Variants in NOXRED1 observed in about 807,000 individuals in gnomAD.
NOXRED1 encodes the protein NADP-dependent oxidoreductase domain-containing protein 1.
Under a neutral mutation model 30.4 loss-of-function variants are expected in NOXRED1, and 20 were observed. The observed-to-expected ratio is 0.66, with a 90% CI of 0.46 to 0.96. The LOEUF (loss-of-function observed/expected upper bound fraction) is 0.96. Among genes scored for constraint, NOXRED1 ranks in the 40% least tolerant of loss-of-function variants. NOXRED1 has a pLI of 0.00. For missense variants in NOXRED1, 374 were observed against 428.0 expected, an observed-to-expected ratio of 0.87 and a Z score of 1.11; for synonymous variants, 155 against 168.0, an observed-to-expected ratio of 0.92 and a Z score of 0.60.
At chr14:77,404,773 C>G (rs147903835) in intron 5 of NOXRED1, among the ~76,000 whole-genome samples, 2 of 151,964 alleles carry the variant, frequency 1.3e-5, no homozygotes, top group East Asian at 1.9e-4. Flanking sequence ...AGAGAAGAGA[C>G]TGCTTCAAGA....
chr14:77,413,110 T>C (rs967942710), intron 2 of NOXRED1, among the ~76,000 whole-genome samples: 1 of 152,146 alleles, frequency 6.6e-6, no homozygotes, highest in Non-Finnish European at 1.5e-5. Flanking sequence ...ATTTAACCCA[T>C]ACCTCTCTCT....
At chr14:77,412,344 T>C (rs1894682336) in intron 2 of NOXRED1, among the ~76,000 whole-genome samples, 1 of 152,118 alleles carries the variant, frequency 6.6e-6, no homozygotes, top group Non-Finnish European at 1.5e-5. Flanking sequence ...AAGAATAGTG[T>C]AGGGTGTCTA....
Position 77,422,775 on chromosome 14 carries a change from C to T in NOXRED1, c.115G>A (p.Ala39Thr). The change falls in exon 1 of 6, where the codon GCC becomes ACC. Residue 39 changes from alanine to threonine, a missense_variant. By Grantham distance (58) the Ala-to-Thr change is moderately conservative. Coordinates refer to ENST00000380835, the MANE Select transcript of NOXRED1 (RefSeq NM_001113475.3). Reference protein sequence around the residue: ...RSRGLMIEACAHATFFCKLLY... With the variant: ...RSRGLMIEACTHATFFCKLLY... ...AGTTTGCAGAAGAAGGTTGCATGGG[C>T]ACAAGCCTCGATCATCAGTCCCCGA... The T allele has an allele frequency of 1.2e-6, 2 of 1,614,196 alleles. No individual in the cohort carries two copies. Among genetic ancestry groups the T allele is most frequent in the Non-Finnish European group, 1.7e-6 (2 of 1,180,020 alleles).
At chr14:77,406,352 C>A (rs886598207) in intron 4 of NOXRED1, 2 of 598,382 alleles carry the variant, frequency 3.3e-6, no homozygotes, top group African/African-American at 1.9e-5. Context: ...TGGACAGATA[C>A]AACTAATGTA....
At chr14:77,418,784 C>G (rs1894904608) in intron 1 of NOXRED1, among the ~76,000 whole-genome samples, 1 of 152,108 alleles carries the variant, frequency 6.6e-6, no homozygotes, top group Non-Finnish European at 1.5e-5. Context: ...CTGCCTTGGC[C>G]TCCCAAAGTG....
In NOXRED1 at chr14:77,406,801, C is replaced by A. The variant is rs1349220781; in HGVS notation, c.605G>T (p.Trp202Leu). The A allele has an allele frequency of 1.9e-6, 3 of 1,613,930 alleles. No individual in the cohort carries two copies. Among genetic ancestry groups the A allele is most frequent in the Admixed American group, 1.7e-5 (1 of 60,000 alleles). ...YQYDEDSVSV[W>L]GANKGVIAAL... ...AGCTATGACTCCCTTATTGGCCCCC[C>A]AGACGCTGACAGAATCTTCATCATA... Residue 202 changes from tryptophan (W) to leucine (L), a missense_variant, in exon 4 of 6, where the codon TGG (tryptophan) becomes TTG (leucine). Coordinates refer to ENST00000380835, the MANE Select transcript of NOXRED1 (RefSeq NM_001113475.3).
chr14:77,398,480 A>G (rs1362553297), intron 5 of NOXRED1, among the ~76,000 whole-genome samples: 2 of 152,014 alleles, frequency 1.3e-5, no homozygotes, highest in East Asian at 1.9e-4. Context: ...AGTCAGGTCT[A>G]CCCTTCCACG....
At chr14:77,406,308 T>C in intron 4 of NOXRED1, 173 bp from the exon 5 acceptor site, 1 of 608,612 alleles carries the variant, frequency 1.6e-6, no homozygotes, top group Non-Finnish European at 2.9e-6. Context: ...ACTTGTGCCC[T>C]TTATAACACA....
intron 2 of NOXRED1, among the ~76,000 whole-genome samples, chr14:77,407,867 CTTT>C (rs556726067): frequency 0.15 from 21,053 of 137,528 alleles, 1,506 homozygotes; most frequent in Middle Eastern, 0.24. Flanking sequence ...TATAATTCAT[CTTT>C]TTTTTTTTTT....
Position 77,394,580 on chromosome 14 carries a change from T to A in NOXRED1, c.*51A>T. 3 of 1,413,366 alleles carry A rather than the reference T, an allele frequency of 2.1e-6. No homozygotes were observed. Among genetic ancestry groups the A allele is most frequent in the Non-Finnish European group, 3.0e-6 (3 of 1,005,926 alleles). The allele number at this position is 1,413,366 out of a possible 1,614,324, so 87.6% of individuals were successfully genotyped here. ...TCAATTGTGATAATCAGGGCACAAC[T>A]ATTATAGGGAAAATCTGTGAGTGGG... is the stretch of plus-strand genomic sequence containing the variant. On this transcript the variant is annotated 3_prime_UTR_variant, in exon 6 of 6. Coordinates refer to ENST00000380835, the MANE Select transcript of NOXRED1 (RefSeq NM_001113475.3).
At chr14:77,421,020 T>C (rs1019584661) in intron 1 of NOXRED1, among the ~76,000 whole-genome samples, 5 of 152,196 alleles carry the variant, frequency 3.3e-5, no homozygotes, top group African/African-American at 1.2e-4. Flanking sequence ...AATATGTTGG[T>C]TCCTCATCAG....
upstream of NOXRED1, among the ~76,000 whole-genome samples, chr14:77,423,739 T>TA (rs1030612855): frequency 6.7e-6 from 1 of 149,730 alleles, no homozygotes; most frequent in African/African-American, 2.5e-5. Flanking sequence ...TTTCTAGGGG[T>TA]TTTTTTTGCA....
intron 1 of NOXRED1, among the ~76,000 whole-genome samples, chr14:77,415,871 A>G (rs1410752130): frequency 6.6e-6 from 1 of 151,916 alleles, no homozygotes; most frequent in African/African-American, 2.4e-5. Context: ...ACCACACCCC[A>G]CGCCCAGCTA....
At chr14:77,425,978 C>T (rs1157301742), upstream of NOXRED1, among the ~76,000 whole-genome samples, 1 of 152,212 alleles carries the variant, frequency 6.6e-6, no homozygotes, top group East Asian at 1.9e-4. Flanking sequence ...GTAGTCCCAG[C>T]TACTCAGGAG....
chr14:77,407,682 C>T (rs1272656229), intron 2 of NOXRED1, 37 bp from the exon 3 acceptor site: 24 of 1,509,218 alleles, frequency 1.6e-5, no homozygotes, highest in Non-Finnish European at 2.1e-5. Context: ...GAGCACAGTA[C>T]TAAAGAGTTT....
At chr14:77,425,947 T>A (rs999139061), upstream of NOXRED1, among the ~76,000 whole-genome samples, 3 of 152,190 alleles carry the variant, frequency 2.0e-5, no homozygotes, top group Non-Finnish European at 4.4e-5. Context: ...AAATGTTAGC[T>A]GGGTGTGGTG....
At position 77,408,892 on chromosome 14, in the gene NOXRED1, A is replaced by ATTTTTTTTT. The variant is rs1177680524; in HGVS notation, c.350-1256_350-1248dup. On this transcript the variant is annotated intron_variant, in intron 2 of 5. Transcript: ENST00000380835. ...GCATAAAAACACTCACTGGTAGTTA[A>ATTTTTTTTT]TTTTTTTTTTTTTTTTTTTTGGCTA... 8.8e-3 allele frequency among the ~76,000 whole-genome samples: 599 copies of ATTTTTTTTT among 68,138 alleles called. 124 individuals carry two copies. The highest frequency in any genetic ancestry group is 0.023 in the African/African-American group (461 of 19,638). 44.7% of individuals were successfully genotyped at this position (68,138 alleles called of 152,430 possible).
In NOXRED1 at chr14:77,414,552, T is replaced by C. The variant is rs1048232329; in HGVS notation, c.156-425A>G. ...AGGTGCTTGGTGGCACCTTAAGTAC[T>C]TCGGAGATAAGACATTTCAACTGTG... On this transcript the variant is annotated intron_variant, in intron 1 of 5. Transcript: ENST00000380835. Among the ~76,000 whole-genome samples, 3 of 152,216 alleles carry C rather than the reference T, an allele frequency of 2.0e-5. No individual in the cohort carries two copies. In the South Asian group the frequency reaches 6.2e-4, roughly 32 times the overall value.
At chr14:77,409,907 G>C (rs1227762711) in intron 2 of NOXRED1, among the ~76,000 whole-genome samples, 1 of 151,024 alleles carries the variant, frequency 6.6e-6, no homozygotes, top group East Asian at 1.9e-4. Context: ...TCCTGGGTTC[G>C]AGCAATTCTC....
Sources: allele counts gnomAD v4.1 joint callset (sites outside exome capture counted in the v4.1 genomes callset), GRCh38; gene constraint gnomAD v4.1.1; transcripts MANE v1.5; gene names NCBI Gene and HGNC (gene_info 2026-07-23, HGNC 2026-07-21).